The following HDAC9 variants were observed in gnomAD, a reference collection of about 807,000 sequenced individuals.
HDAC9 encodes the protein MEF-2 interacting transcription repressor (MITR) protein.
A neutral mutation model predicts 139.4 loss-of-function variants in HDAC9; 41 were observed. That is an observed-to-expected ratio of 0.29 (90% CI 0.23 to 0.38). The LOEUF (loss-of-function observed/expected upper bound fraction) is 0.38, where lower values mean the gene tolerates loss of function less well. Ranked by LOEUF, HDAC9 falls within the 10% of genes least tolerant of loss-of-function variation. HDAC9 has a pLI of 1.00. For missense variants in HDAC9, 1,147 were observed against 1,297.0 expected (o/e 0.88, Z 1.78); for synonymous variants, 517 against 476.2 (o/e 1.09, Z -1.12).
chr7:18,763,676 A>G lies in HDAC9; in HGVS notation c.2164+1399A>G, dbSNP rs1789584513. Among the ~76,000 whole-genome samples the G allele has an allele frequency of 2.0e-5, 3 of 152,138 alleles. No individual in the cohort carries two copies. The South Asian group carries it at 6.2e-4, about 31-fold the overall frequency. ...TAACATGAATCAATAACCCTACCCA[A>G]CTAACCAACAAGATGAAGTAAACCA... On this transcript the variant is annotated intron_variant, in intron 15 of 25. Coordinates refer to ENST00000686413, the MANE Select transcript of HDAC9 (RefSeq NM_178425.4).
intron 1 of HDAC9, among the ~76,000 whole-genome samples, chr7:18,469,228 G>A (rs1318178744): frequency 2.0e-5 from 3 of 152,076 alleles, no homozygotes; most frequent in African/African-American, 7.2e-5. Context: ...TAAAACTTTT[G>A]GCTGTGTGCT....
chr7:18,884,972 T>G (rs1250554290), intron 22 of HDAC9, among the ~76,000 whole-genome samples: 1 of 152,220 alleles, frequency 6.6e-6, no homozygotes, highest in Non-Finnish European at 1.5e-5. Flanking sequence ...ATACTGATAT[T>G]CTTCAAGTTT....
At chr7:18,891,292 T>C (rs1373460601) in intron 22 of HDAC9, among the ~76,000 whole-genome samples, 4 of 152,236 alleles carry the variant, frequency 2.6e-5, no homozygotes, top group African/African-American at 4.8e-5. Flanking sequence ...TTATGAAATG[T>C]AGTTAATTTC....
At chr7:18,751,011 G>A (rs1303184195) in intron 14 of HDAC9, among the ~76,000 whole-genome samples, 3 of 152,154 alleles carry the variant, frequency 2.0e-5, no homozygotes, top group Admixed American at 1.3e-4. Flanking sequence ...CCTATTACCT[G>A]AAGGAGAACT....
At chr7:18,886,427 T>C (rs572829459) in intron 22 of HDAC9, among the ~76,000 whole-genome samples, 42 of 152,358 alleles carry the variant, frequency 2.8e-4, no homozygotes, top group African/African-American at 9.1e-4. Context: ...CTGCAGCTAA[T>C]GTGTACTGTA....
At chr7:18,644,447 G>A (rs750972656) in intron 8 of HDAC9, among the ~76,000 whole-genome samples, 4 of 152,082 alleles carry the variant, frequency 2.6e-5, no homozygotes, top group Admixed American at 6.6e-5. Context: ...AAATGAATTT[G>A]CAAAAAATGA....
chr7:18,900,511 C>A (rs554367515), intron 22 of HDAC9, among the ~76,000 whole-genome samples: 1 of 152,236 alleles, frequency 6.6e-6, no homozygotes, highest in South Asian at 2.1e-4. Context: ...GCCTTTCTGG[C>A]CCTCCCTGCA....
rs188471777 is a variant in HDAC9, at chr7:18,183,460, T to C, written c.25+21111T>C. Among the ~76,000 whole-genome samples the C allele has an allele frequency of 7.4e-3, 1,132 of 152,290 alleles. 6 individuals carry two copies. Among genetic ancestry groups the C allele is most frequent in the Non-Finnish European group, 0.011 (766 of 68,020 alleles). ...GACAAATCTAAAGAATTTCCTCAAC[T>C]TTTGCTGCCTGTTTTTGTGACCCTG... is the stretch of plus-strand genomic sequence containing the variant. On this transcript the variant is annotated intron_variant, in intron 2 of 12. Transcript: ENST00000417496.
chr7:18,326,288 G>A (rs1435943021), intron 1 of HDAC9, among the ~76,000 whole-genome samples: 2 of 151,906 alleles, frequency 1.3e-5, no homozygotes, highest in African/African-American at 4.8e-5. Flanking sequence ...TTCAAATAAG[G>A]TATGCTTGAA....
At chr7:18,464,388 C>G (rs1327156431) in intron 1 of HDAC9, among the ~76,000 whole-genome samples, 1 of 151,914 alleles carries the variant, frequency 6.6e-6, no homozygotes, top group African/African-American at 2.4e-5. Context: ...TTAAAAAGTT[C>G]TCAAAGTCAT....
intron 12 of HDAC9, among the ~76,000 whole-genome samples, chr7:18,700,745 C>T (rs1286947115): frequency 2.6e-5 from 4 of 152,204 alleles, no homozygotes; most frequent in Non-Finnish European, 4.4e-5. Context: ...GCTAGGGCCT[C>T]TCTCCACATG....
chr7:18,751,292 T>C (rs893579780), intron 14 of HDAC9, among the ~76,000 whole-genome samples: 3 of 152,114 alleles, frequency 2.0e-5, no homozygotes, highest in African/African-American at 7.2e-5. Context: ...TTGGTATCAC[T>C]TAATCACAAA....
At chr7:18,758,452 C>A (rs774441285) in intron 14 of HDAC9, among the ~76,000 whole-genome samples, 13 of 151,924 alleles carry the variant, frequency 8.6e-5, no homozygotes, top group Non-Finnish European at 1.6e-4. Context: ...ATAAAGGGTG[C>A]GCAGAAAGTT....
intron 1 of HDAC9, among the ~76,000 whole-genome samples, chr7:18,147,979 C>A (rs1314485644): frequency 6.6e-6 from 1 of 152,082 alleles, no homozygotes; most frequent in Non-Finnish European, 1.5e-5. Context: ...ACAGTTTTCA[C>A]ATATTCATTC....
At chr7:18,496,464 G>A in intron 2 of HDAC9, 140 bp downstream of exon 2, 1 of 692,648 alleles carries the variant, frequency 1.4e-6, no homozygotes. Flanking sequence ...GCGTCTGTAG[G>A]GTTTAACTTA....
intron 1 of HDAC9, among the ~76,000 whole-genome samples, chr7:18,311,399 T>G (rs1799310447): frequency 1.3e-5 from 2 of 152,114 alleles, no homozygotes; most frequent in Admixed American, 6.6e-5. Flanking sequence ...TTTATTCCCT[T>G]CCATTTTATT....
chr7:18,967,397 C>T (rs1317752488), intron 24 of HDAC9, among the ~76,000 whole-genome samples: 1 of 151,406 alleles, frequency 6.6e-6, no homozygotes, highest in East Asian at 1.9e-4. Context: ...ATACAGTGTC[C>T]TTAATTGCTT....
At chr7:18,233,344 A>G (rs1793595476) in intron 2 of HDAC9, among the ~76,000 whole-genome samples, 1 of 152,086 alleles carries the variant, frequency 6.6e-6, no homozygotes, top group South Asian at 2.1e-4. Context: ...ATGACAGAAT[A>G]GGAGTCCTGT....
At chr7:18,496,999 C>T (rs1401766553) in intron 2 of HDAC9, among the ~76,000 whole-genome samples, 2 of 152,034 alleles carry the variant, frequency 1.3e-5, no homozygotes, top group African/African-American at 2.4e-5. Flanking sequence ...GCAGGTGCAG[C>T]GTTTTAAAGG....
Sources: gnomAD v4.1 joint callset for allele counts (sites outside exome capture counted in the v4.1 genomes callset) on GRCh38, gnomAD v4.1.1 for gene constraint, MANE v1.5 for transcripts, NCBI Gene and HGNC (gene_info 2026-07-23, HGNC 2026-07-21) for gene names.